The following AFG1L variants were observed in gnomAD, a reference collection of about 807,000 sequenced individuals.
AFG1L encodes the protein AFG1-like ATPase.
Under a neutral mutation model 62.2 loss-of-function variants are expected in AFG1L, and 53 were observed. That is an observed-to-expected ratio of 0.85 (90% CI 0.68 to 1.07). AFG1L has a LOEUF of 1.07. Ranked by LOEUF, AFG1L falls within the 50% of genes least tolerant of loss-of-function variation. AFG1L has a pLI of 0.00. For synonymous variants in AFG1L, 228 were observed against 210.3 expected, an observed-to-expected ratio of 1.08 and a Z score of -0.73; for missense variants, 555 against 590.5, an observed-to-expected ratio of 0.94 and a Z score of 0.62.
intron 5 of AFG1L, among the ~76,000 whole-genome samples, chr6:108,362,469 A>C (rs1779583901): frequency 6.6e-6 from 1 of 152,184 alleles, no homozygotes; most frequent in Non-Finnish European, 1.5e-5. Context: ...ATATAATTCT[A>C]GCTACAGCTA....
intron 8 of AFG1L, among the ~76,000 whole-genome samples, chr6:108,454,115 G>A (rs1022768934): frequency 2.6e-5 from 4 of 152,092 alleles, no homozygotes; most frequent in African/African-American, 9.7e-5. Flanking sequence ...TGCCAAATAT[G>A]AGCTGGCTCT....
chr6:108,369,989 T>TATCTATCTATC (rs1215848014), intron 6 of AFG1L, among the ~76,000 whole-genome samples: 4 of 151,598 alleles, frequency 2.6e-5, no homozygotes, highest in African/African-American at 7.3e-5. Flanking sequence ...TCTATCTATC[T>TATCTATCTATC]TTTAAAATAG....
rs934421007 is a variant in AFG1L, at chr6:108,453,532, G to A, written c.890+6236G>A. On this transcript the variant is annotated intron_variant, in intron 8 of 12. Coordinates refer to ENST00000368977, the MANE Select transcript of AFG1L (RefSeq NM_145315.5). ...TCAAGGTTATAGCTCTGTTTCAGAA[G>A]AAAGGTCTGTGAAAACTAAGACTGA... Among the ~76,000 whole-genome samples the A allele has an allele frequency of 2.0e-5, 3 of 152,300 alleles. No homozygotes were observed. In the South Asian group the frequency reaches 6.2e-4, roughly 32 times the overall value.
At chr6:108,427,296 C>T (rs1474697971) in intron 7 of AFG1L, among the ~76,000 whole-genome samples, 1 of 151,852 alleles carries the variant, frequency 6.6e-6, no homozygotes, top group East Asian at 1.9e-4. Flanking sequence ...GCTATGTTGC[C>T]CAGGCTGGTC....
intron 8 of AFG1L, among the ~76,000 whole-genome samples, chr6:108,461,559 C>T (rs1057360436): frequency 6.6e-6 from 1 of 152,080 alleles, no homozygotes; most frequent in African/African-American, 2.4e-5. Flanking sequence ...AGACTCAAGC[C>T]ATTTTCCCGC....
rs772868234 is a variant in AFG1L at position 108,522,437 on chromosome 6, G to T, written c.*12G>T. The stretch of plus-strand genomic sequence containing the variant: ...GAACCAAGAAGTAACTGCCACTTTT[G>T]CATAAATAAAACTCTAGACAAATGG... On this transcript the variant is annotated 3_prime_UTR_variant, in exon 13 of 13. Transcript: ENST00000368977. 12 of 1,603,802 alleles carry T rather than the reference G, an allele frequency of 7.5e-6. No homozygotes were observed. The African/African-American group carries it at 1.6e-4, about 21-fold the overall frequency.
chr6:108,399,769 C>CTTTTTTT (rs757924406), intron 6 of AFG1L, among the ~76,000 whole-genome samples: 3 of 42,688 alleles, frequency 7.0e-5, no homozygotes, highest in African/African-American at 9.6e-5. Context: ...AAGTATCTCT[C>CTTTTTTT]TTTTTTTTTT....
At chr6:108,380,953 G>A (rs369514047) in intron 6 of AFG1L, among the ~76,000 whole-genome samples, 12 of 152,198 alleles carry the variant, frequency 7.9e-5, no homozygotes, top group African/African-American at 2.4e-4. Flanking sequence ...TCCTCCGTGG[G>A]TTCTGGGATG....
intron 11 of AFG1L, among the ~76,000 whole-genome samples, chr6:108,511,909 C>T (rs1020402383): frequency 2.6e-5 from 4 of 152,170 alleles, no homozygotes; most frequent in Non-Finnish European, 4.4e-5. Flanking sequence ...ATCAGAGAAA[C>T]GTGAATCAGA....
At chr6:108,484,895 A>G (rs1351378522) in intron 10 of AFG1L, among the ~76,000 whole-genome samples, 2 of 152,190 alleles carry the variant, frequency 1.3e-5, no homozygotes, top group Admixed American at 6.5e-5. Flanking sequence ...TATCTTCCAA[A>G]GAAATCACTG....
At chr6:108,506,522 TTTAA>T (rs1463848004) in intron 10 of AFG1L, among the ~76,000 whole-genome samples, 1 of 152,112 alleles carries the variant, frequency 6.6e-6, no homozygotes, top group Non-Finnish European at 1.5e-5. Context: ...TCCCGTATTC[TTTAA>T]TTATCTCCAG....
At chr6:108,300,754 C>A (rs1776963725) in intron 1 of AFG1L, among the ~76,000 whole-genome samples, 1 of 151,458 alleles carries the variant, frequency 6.6e-6, no homozygotes, top group Non-Finnish European at 1.5e-5. Flanking sequence ...CTCACTGCAA[C>A]CTCCGTCTCA....
At chr6:108,470,378 G>C (rs1772836424) in intron 8 of AFG1L, among the ~76,000 whole-genome samples, 1 of 152,168 alleles carries the variant, frequency 6.6e-6, no homozygotes, top group Admixed American at 6.5e-5. Flanking sequence ...TATAACAGGA[G>C]ATGGTGGAGG....
intron 6 of AFG1L, among the ~76,000 whole-genome samples, chr6:108,390,933 A>G (rs1781029342): frequency 6.6e-6 from 1 of 152,064 alleles, no homozygotes; most frequent in Non-Finnish European, 1.5e-5. Context: ...TGCGTCGCTC[A>G]CGCTGGGAGC....
At chr6:108,323,753 C>G (rs983942910) in intron 1 of AFG1L, 72 bp from the exon 2 acceptor site, 6 of 1,074,272 alleles carry the variant, frequency 5.6e-6, no homozygotes, top group Non-Finnish European at 8.3e-6. Flanking sequence ...TTGAATTTGA[C>G]CCTTAAGAAA....
chr6:108,507,853 A>G (rs937402807), intron 10 of AFG1L, among the ~76,000 whole-genome samples: 7 of 152,124 alleles, frequency 4.6e-5, no homozygotes, highest in Non-Finnish European at 7.4e-5. Context: ...CTATTTGGTG[A>G]TTCCACAGTC....
At chr6:108,326,405 T>G (rs1370331293) in intron 2 of AFG1L, among the ~76,000 whole-genome samples, 1 of 152,134 alleles carries the variant, frequency 6.6e-6, no homozygotes, top group Non-Finnish European at 1.5e-5. Flanking sequence ...GAGCTTATTT[T>G]CCCTGGTCAT....
intron 7 of AFG1L, among the ~76,000 whole-genome samples, chr6:108,415,991 A>G (rs1162963976): frequency 6.6e-6 from 1 of 152,252 alleles, no homozygotes; most frequent in Non-Finnish European, 1.5e-5. Flanking sequence ...GGCAACCTAC[A>G]GAATGGGAGG....
At chr6:108,357,515 C>CTAAATTTTGGTCG (rs1447605073) in intron 5 of AFG1L, among the ~76,000 whole-genome samples, 2 of 152,188 alleles carry the variant, frequency 1.3e-5, no homozygotes, top group Admixed American at 6.5e-5. Flanking sequence ...CTGCCCACCT[C>CTAAATTTTGGTCG]TAAATTTTGG....
Sources: allele counts gnomAD v4.1 joint callset (sites outside exome capture counted in the v4.1 genomes callset), GRCh38; gene constraint gnomAD v4.1.1; transcripts MANE v1.5; gene names NCBI Gene and HGNC (gene_info 2026-07-23, HGNC 2026-07-21).